Variants in CEP63 observed in about 807,000 individuals in gnomAD.
CEP63 encodes the protein centrosomal protein 63, also known as centrosomal protein of 63 kDa.
Under a neutral mutation model 89.1 loss-of-function variants are expected in CEP63, and 84 were observed. That is an observed-to-expected ratio of 0.94 (90% CI 0.79 to 1.13). The LOEUF (loss-of-function observed/expected upper bound fraction) is 1.13, where lower values mean the gene tolerates loss of function less well. CEP63 is among the 50% of genes most tolerant of loss of function. The pLI, the probability that CEP63 is intolerant of heterozygous loss-of-function variation, is 0.00. For synonymous variants in CEP63, 267 were observed against 272.5 expected (o/e 0.98, Z 0.20); for missense variants, 838 against 813.3 (o/e 1.03, Z -0.37).
At chr3:134,776,585 T>A in the CEP63 span, among the ~76,000 whole-genome samples, 1 of 152,192 alleles carries the variant, frequency 6.6e-6, no homozygotes, top group South Asian at 2.1e-4. Flanking sequence ...TGACATGGCC[T>A]ACCCACAGGG....
rs1935169123 is a variant in CEP63 at position 134,486,070 on chromosome 3, C to T, written c.-158C>T. 3.1e-5 allele frequency: 31 copies of T among 985,176 alleles called. No individual in the cohort carries two copies. Among genetic ancestry groups the T allele is most frequent in the Admixed American group, 6.2e-5 (1 of 16,254 alleles). 61.0% of individuals were successfully genotyped at this position (985,176 alleles called of 1,614,324 possible). A position where few individuals can be genotyped will look rare whatever the true frequency, so the allele number is the denominator to read the frequency against. On this transcript the variant is annotated 5_prime_UTR_variant, in exon 1 of 15. Transcript: ENST00000675561. ...GGATGTGGGTGAGTTCATTTGCTCG[C>T]GTGCAGGGGAAGTCTGGAGAAGGCA...
intron 6 of CEP63, among the ~76,000 whole-genome samples, chr3:134,541,822 T>A (rs1453307606): frequency 6.6e-6 from 1 of 152,122 alleles, no homozygotes; most frequent in East Asian, 1.9e-4. Context: ...CACCAGCATT[T>A]TTTAAAAAGG....
intron 10 of CEP63, among the ~76,000 whole-genome samples, chr3:134,581,913 G>C (rs1349141493): frequency 6.6e-6 from 1 of 151,660 alleles, no homozygotes; most frequent in Non-Finnish European, 1.5e-5. Context: ...CTGACCTCGT[G>C]ATCCGCCCGC....
chr3:134,602,234 G>A, the CEP63 span, among the ~76,000 whole-genome samples: 1 of 152,124 alleles, frequency 6.6e-6, no homozygotes, highest in African/African-American at 2.4e-5. Context: ...GGCCATGTGG[G>A]GCCTCTCTCG....
At chr3:134,502,515 C>T (rs1312729016) in intron 2 of CEP63, among the ~76,000 whole-genome samples, 1 of 151,970 alleles carries the variant, frequency 6.6e-6, no homozygotes, top group African/African-American at 2.4e-5. Context: ...ATTAATCTAT[C>T]GAGGATTTCT....
chr3:134,628,138 C>G, the CEP63 span: 1 of 363,732 alleles, frequency 2.7e-6, no homozygotes, highest in Admixed American at 4.2e-5. Context: ...TGTTCCTGCC[C>G]TCTTTTGGAG....
the CEP63 span, chr3:134,647,368 AC>A: frequency 7.9e-7 from 1 of 1,273,868 alleles, no homozygotes; most frequent in Non-Finnish European, 1.1e-6. Flanking sequence ...AATGAGTGAA[AC>A]CCAATTCTTC....
chr3:134,614,227 T>C, the CEP63 span, among the ~76,000 whole-genome samples: 28 of 152,162 alleles, frequency 1.8e-4, no homozygotes, highest in Non-Finnish European at 3.1e-4. Context: ...ACTAGAAACA[T>C]TTCCACCTCC....
chr3:134,503,258 A>G (rs566838623), intron 2 of CEP63, among the ~76,000 whole-genome samples: 1 of 151,642 alleles, frequency 6.6e-6, no homozygotes, highest in South Asian at 2.1e-4. Flanking sequence ...TTCTTTTTTA[A>G]TTTCTTCACT....
At chr3:134,749,025 A>C in the CEP63 span, among the ~76,000 whole-genome samples, 6 of 152,098 alleles carry the variant, frequency 3.9e-5, no homozygotes, top group Non-Finnish European at 5.9e-5. Flanking sequence ...GGGCTGGTGG[A>C]AAGGGCAGGG....
chr3:134,725,023 A>G, the CEP63 span, among the ~76,000 whole-genome samples: 1 of 152,204 alleles, frequency 6.6e-6, no homozygotes, highest in Non-Finnish European at 1.5e-5. Flanking sequence ...TCTCTAAATA[A>G]TATCTAAAAT....
At chr3:134,758,461 T>C in the CEP63 span, among the ~76,000 whole-genome samples, 13,531 of 152,214 alleles carry the variant, frequency 0.089, 858 homozygotes, top group South Asian at 0.3. Context: ...CAGCAACATT[T>C]GCTCTCTCAC....
chr3:134,488,754 A>G (rs1936582945), intron 1 of CEP63, among the ~76,000 whole-genome samples: 2 of 152,208 alleles, frequency 1.3e-5, no homozygotes, highest in African/African-American at 4.8e-5. Flanking sequence ...GGTGCCAAAA[A>G]GGTTGGGGAC....
chr3:134,782,292 A>C, the CEP63 span, among the ~76,000 whole-genome samples: 2 of 152,080 alleles, frequency 1.3e-5, no homozygotes, highest in Admixed American at 6.5e-5. Flanking sequence ...CACTAACAAA[A>C]CCGTTTAGAC....
the CEP63 span, among the ~76,000 whole-genome samples, chr3:134,601,540 C>T: frequency 0.011 from 1,630 of 152,366 alleles, 36 homozygotes; most frequent in Admixed American, 0.057. Flanking sequence ...TGCAAGACGG[C>T]TGTTTTCAGG....
the CEP63 span, among the ~76,000 whole-genome samples, chr3:134,725,803 C>T: frequency 6.6e-6 from 1 of 152,096 alleles, no homozygotes; most frequent in Non-Finnish European, 1.5e-5. Context: ...TGCTACCTGG[C>T]GTTAGTGCAG....
chr3:134,608,105 G>T, the CEP63 span: 1 of 1,126,772 alleles, frequency 8.9e-7, no homozygotes, highest in Non-Finnish European at 1.1e-6. Flanking sequence ...GACCCATGTT[G>T]CTCCCCATCC....
At chr3:134,735,432 C>T in the CEP63 span, among the ~76,000 whole-genome samples, 4 of 152,234 alleles carry the variant, frequency 2.6e-5, no homozygotes, top group African/African-American at 9.6e-5. Context: ...CACTAGACAG[C>T]AGTTTAACAC....
At chr3:134,669,859 A>G in the CEP63 span, among the ~76,000 whole-genome samples, 1 of 152,236 alleles carries the variant, frequency 6.6e-6, no homozygotes, top group Non-Finnish European at 1.5e-5. Context: ...CTGAATGTTT[A>G]TATCCCCTCA....
Sources: gnomAD v4.1 joint callset for allele counts (sites outside exome capture counted in the v4.1 genomes callset) on GRCh38, gnomAD v4.1.1 for gene constraint, MANE v1.5 for transcripts, NCBI Gene and HGNC (gene_info 2026-07-23, HGNC 2026-07-21) for gene names.